Variants in DOK6 observed in about 807,000 individuals in gnomAD.
The protein encoded by DOK6 is downstream of tyrosine kinase 6.
A neutral mutation model predicts 44.0 loss-of-function variants in DOK6; 22 were observed. That is an observed-to-expected ratio of 0.50 (90% CI 0.36 to 0.71). The LOEUF (loss-of-function observed/expected upper bound fraction) is 0.71. Among genes scored for constraint, DOK6 ranks in the 30% least tolerant of loss-of-function variants. DOK6 has a pLI of 0.00. For synonymous variants in DOK6, 166 were observed against 145.5 expected, an observed-to-expected ratio of 1.14 and a Z score of -1.01; for missense variants, 340 against 416.4, an observed-to-expected ratio of 0.82 and a Z score of 1.60.
chr18:69,670,994 C>T (rs560895349), intron 3 of DOK6, among the ~76,000 whole-genome samples: 1 of 152,096 alleles, frequency 6.6e-6, no homozygotes, highest in South Asian at 2.1e-4. Context: ...CACACACACG[C>T]ACACACGCGC....
At chr18:69,744,869 T>C (rs1231554254) in intron 6 of DOK6, among the ~76,000 whole-genome samples, 1 of 140,626 alleles carries the variant, frequency 7.1e-6, no homozygotes, top group Non-Finnish European at 1.5e-5. Flanking sequence ...GAGGTTGCGG[T>C]GAGCAGAGAT....
chr18:69,471,383 T>C (rs1484101886), intron 1 of DOK6, among the ~76,000 whole-genome samples: 1 of 150,148 alleles, frequency 6.7e-6, no homozygotes, highest in Non-Finnish European at 1.5e-5. Flanking sequence ...AGGGAAACAC[T>C]TGGTGCACTT....
rs573051735 is a variant in DOK6, at chr18:69,674,319, C to T, written c.290-3415C>T. Reference sequence around the variant, plus strand: ...AGTATACAGACTACAAAGGTTAATACTTTTGAGGTGAAGTTTTAGGACTGA... The same window carrying T: ...AGTATACAGACTACAAAGGTTAATATTTTTGAGGTGAAGTTTTAGGACTGA... On this transcript the variant is annotated intron_variant, in intron 3 of 7. Coordinates refer to ENST00000382713, the MANE Select transcript of DOK6 (RefSeq NM_152721.6). Among the ~76,000 whole-genome samples, 17 of 152,284 alleles carry T rather than the reference C, an allele frequency of 1.1e-4. No individual in the cohort carries two copies. In the East Asian group the frequency reaches 2.9e-3, roughly 26 times the overall value.
chr18:69,553,260 G>T (rs149494408), intron 1 of DOK6, among the ~76,000 whole-genome samples: 1 of 152,178 alleles, frequency 6.6e-6, no homozygotes, highest in African/African-American at 2.4e-5. Context: ...AATGAAATCC[G>T]TAACAGTTGT....
rs529657001 is a variant in DOK6, at chr18:69,416,300, T to TA, written c.66+14992dup. 3.7e-4 allele frequency among the ~76,000 whole-genome samples: 57 copies of TA among 152,226 alleles called. No homozygotes were observed. The East Asian group carries it at 0.011, about 29-fold the overall frequency. ...TGAATGTGTTTTTGCTGAACAGTCT[T>TA]AATAGGACAACAGTTATTCTGAAAC... On this transcript the variant is annotated intron_variant, in intron 1 of 7. Transcript: ENST00000382713.
At chr18:69,536,086 C>G (rs9807738) in intron 1 of DOK6, among the ~76,000 whole-genome samples, 6,322 of 152,172 alleles carry the variant, frequency 0.042, 439 homozygotes, top group African/African-American at 0.14. Context: ...TTACCAAGAA[C>G]TTTAATCCAG....
At chr18:69,686,927 A>T (rs1248989705) in intron 4 of DOK6, among the ~76,000 whole-genome samples, 1 of 152,196 alleles carries the variant, frequency 6.6e-6, no homozygotes, top group African/African-American at 2.4e-5. Flanking sequence ...ATATGTTATT[A>T]TGCAACTTCC....
rs147416199 is a variant in DOK6, at chr18:69,617,560, A to G, written c.289+18062A>G. Among the ~76,000 whole-genome samples, 408 of 129,330 alleles carry G rather than the reference A, an allele frequency of 3.2e-3. 1 individual carries two copies. Among genetic ancestry groups the G allele is most frequent in the African/African-American group, 0.01 (384 of 37,032 alleles). The allele number at this position is 129,330 out of a possible 152,430, so 84.8% of individuals were successfully genotyped here. On this transcript the variant is annotated intron_variant, in intron 3 of 7. Transcript: ENST00000382713. ...AGAAAAGAAAGGAAAAGACTGAGTG[A>G]TAGGAGAAAAAGAAAGAAAGAGAGA...
intron 1 of DOK6, among the ~76,000 whole-genome samples, chr18:69,543,262 A>G (rs1216139398): frequency 6.6e-6 from 1 of 151,612 alleles, no homozygotes. Context: ...ATAAATGGTG[A>G]TTCTCCTTCA....
At chr18:69,694,728 T>C (rs897308067) in intron 4 of DOK6, among the ~76,000 whole-genome samples, 1 of 152,052 alleles carries the variant, frequency 6.6e-6, no homozygotes, top group Admixed American at 6.6e-5. Context: ...CTTCACAGAT[T>C]AGCAGAATAT....
intron 3 of DOK6, among the ~76,000 whole-genome samples, chr18:69,632,984 T>C (rs1277357930): frequency 3.3e-5 from 5 of 152,196 alleles, no homozygotes; most frequent in East Asian, 3.9e-4. Flanking sequence ...GGGAACATCA[T>C]GGTTTAAGCT....
chr18:69,470,960 T>C lies in DOK6; in HGVS notation c.66+69650T>C, dbSNP rs186608005. ...AATGCTGTAGAAGGATTTTTTAAAG[T>C]GTGATGTAGCCGGGCACGGTGGCTT... is the stretch of plus-strand genomic sequence containing the variant. On this transcript the variant is annotated intron_variant, in intron 1 of 7. Transcript: ENST00000382713. Among the ~76,000 whole-genome samples, 151 of 152,040 alleles carry C rather than the reference T, an allele frequency of 9.9e-4. 3 individuals are homozygous for C. The East Asian group carries it at 0.023, about 23-fold the overall frequency.
rs79303188 is a variant in DOK6, at chr18:69,711,260, G to C, written c.599+12667G>C. ...ATATTTTCATTTACAAGTAAAATTA[G>C]TAGGCAATTAGCACCTATGGAATTC... On this transcript the variant is annotated intron_variant, in intron 5 of 7. Coordinates refer to ENST00000382713, the MANE Select transcript of DOK6 (RefSeq NM_152721.6). Among the ~76,000 whole-genome samples, 561 of 152,256 alleles carry C rather than the reference G, an allele frequency of 3.7e-3. 6 individuals are homozygous for C. Among genetic ancestry groups the C allele is most frequent in the African/African-American group, 0.013 (544 of 41,534 alleles).
chr18:69,542,673 AT>A (rs201104298), intron 1 of DOK6, among the ~76,000 whole-genome samples: 1 of 150,538 alleles, frequency 6.6e-6, no homozygotes, highest in African/African-American at 2.4e-5. Context: ...TCAGAGATTG[AT>A]TTTTTTTTCT....
intron 3 of DOK6, among the ~76,000 whole-genome samples, chr18:69,633,507 G>A (rs1293897300): frequency 6.6e-6 from 1 of 152,042 alleles, no homozygotes; most frequent in Non-Finnish European, 1.5e-5. Flanking sequence ...TTGCAACCAA[G>A]GTCTAGCTTA....
chr18:69,446,363 A>G (rs1380365936), intron 1 of DOK6, among the ~76,000 whole-genome samples: 1 of 151,830 alleles, frequency 6.6e-6, no homozygotes, highest in African/African-American at 2.4e-5. Context: ...AGCTTCATCC[A>G]TGTCCCTACA....
chr18:69,671,944 G>A (rs1043371838), intron 3 of DOK6, among the ~76,000 whole-genome samples: 1 of 152,112 alleles, frequency 6.6e-6, no homozygotes, highest in Non-Finnish European at 1.5e-5. Context: ...CAGAACAATC[G>A]CTCATTGATA....
rs1286312600 is a variant in DOK6, at chr18:69,773,177, T to TA, written c.856+15310dup. ...ACACTTGCTAGGATGGCTAATTATC[T>TA]AAAAAACAAAAAACAAAGTATTGAT... On this transcript the variant is annotated intron_variant, in intron 7 of 7. Transcript: ENST00000382713. Among the ~76,000 whole-genome samples the TA allele has an allele frequency of 3.4e-4, 51 of 151,638 alleles. 1 individual carries two copies. The highest frequency in any genetic ancestry group is 1.3e-4 in the Non-Finnish European group (9 of 67,780).
intron 3 of DOK6, among the ~76,000 whole-genome samples, chr18:69,673,111 T>G (rs1985844192): frequency 6.6e-6 from 1 of 152,152 alleles, no homozygotes; most frequent in African/African-American, 2.4e-5. Context: ...GATACAATGA[T>G]TTATTATTTT....
Sources: allele counts gnomAD v4.1 joint callset (sites outside exome capture counted in the v4.1 genomes callset), GRCh38; gene constraint gnomAD v4.1.1; transcripts MANE v1.5; gene names NCBI Gene and HGNC (gene_info 2026-07-23, HGNC 2026-07-21).